The following FRMPD1 variants were observed in gnomAD, a reference collection of about 807,000 sequenced individuals.
FRMPD1 encodes the protein FERM and PDZ domain containing 1, also known as FERM and PDZ domain-containing protein 1.
In FRMPD1, 76 loss-of-function variants were observed where a neutral mutation model predicts 117.8. That is an observed-to-expected ratio of 0.65 (90% CI 0.54 to 0.78). The LOEUF (loss-of-function observed/expected upper bound fraction) is 0.78. Ranked by LOEUF, FRMPD1 falls within the 30% of genes least tolerant of loss-of-function variation. The probability of loss-of-function intolerance (pLI) is 0.00; values close to 1 mark genes in which losing one functional copy is unlikely to be tolerated. For missense variants in FRMPD1, 1,786 were observed against 1,964.5 expected (o/e 0.91, Z 1.72); for synonymous variants, 783 against 770.4 (o/e 1.02, Z -0.27).
intron 1 of FRMPD1, among the ~76,000 whole-genome samples, chr9:37,669,312 G>A (rs1367033826): frequency 6.6e-6 from 1 of 152,196 alleles, no homozygotes; most frequent in Non-Finnish European, 1.5e-5. Flanking sequence ...GGTCTGCATT[G>A]AGGATTCTTC....
chr9:37,738,550 A>G (rs1473196063), intron 14 of FRMPD1, among the ~76,000 whole-genome samples: 1 of 152,062 alleles, frequency 6.6e-6, no homozygotes, highest in Non-Finnish European at 1.5e-5. Flanking sequence ...TGTTGGTCAG[A>G]CTGGTCTCGA....
chr9:37,738,608 A>C (rs1291638885), intron 14 of FRMPD1, among the ~76,000 whole-genome samples: 1 of 152,056 alleles, frequency 6.6e-6, no homozygotes, highest in Non-Finnish European at 1.5e-5. Context: ...CAAAGTGCTG[A>C]GATTACAGGC....
intron 1 of FRMPD1, among the ~76,000 whole-genome samples, chr9:37,653,197 G>A (rs568132902): frequency 6.6e-6 from 1 of 152,098 alleles, no homozygotes; most frequent in Admixed American, 6.6e-5. Context: ...TTTTTAATTC[G>A]TAAAACGGGA....
In FRMPD1 at chr9:37,717,384, T is replaced by A. The variant is rs868428604; in HGVS notation, c.409-1685T>A. Reference sequence around the variant, plus strand: ...GTGTGTGTGTGTATATATATATATTTTTTTTTTTTTTTTGAGATGTAGTCT... The same window carrying A: ...GTGTGTGTGTGTATATATATATATTATTTTTTTTTTTTTGAGATGTAGTCT... On this transcript the variant is annotated intron_variant, in intron 5 of 15. Transcript: ENST00000377765. 6.0e-3 allele frequency among the ~76,000 whole-genome samples: 729 copies of A among 120,590 alleles called. 9 individuals are homozygous for A. The highest frequency in any genetic ancestry group is 7.7e-3 in the African/African-American group (220 of 28,506). 79.1% of individuals were successfully genotyped at this position (120,590 alleles called of 152,430 possible). A position where few individuals can be genotyped will look rare whatever the true frequency, so the allele number is the denominator to read the frequency against.
At chr9:37,637,044 A>G in the FRMPD1 span, 1 of 1,543,354 alleles carries the variant, frequency 6.5e-7, no homozygotes, top group Non-Finnish European at 9.0e-7. Flanking sequence ...ACCACGAGGA[A>G]GCCATGAGCC....
At chr9:37,629,294 C>T in the FRMPD1 span, among the ~76,000 whole-genome samples, 3 of 152,194 alleles carry the variant, frequency 2.0e-5, no homozygotes, top group Admixed American at 1.3e-4. Flanking sequence ...GATGCACATT[C>T]GAGTTTGAGA....
At chr9:37,628,621 C>A in the FRMPD1 span, among the ~76,000 whole-genome samples, 1 of 152,174 alleles carries the variant, frequency 6.6e-6, no homozygotes, top group South Asian at 2.1e-4. Flanking sequence ...AGTTTTGTAG[C>A]TGCAAAGTGC....
intron 2 of FRMPD1, among the ~76,000 whole-genome samples, chr9:37,703,617 G>A (rs1216973845): frequency 6.6e-6 from 1 of 152,126 alleles, no homozygotes; most frequent in Non-Finnish European, 1.5e-5. Flanking sequence ...ATCTGCAACT[G>A]TCACAAGTCC....
At chr9:37,636,510 C>T in the FRMPD1 span, among the ~76,000 whole-genome samples, 8 of 152,160 alleles carry the variant, frequency 5.3e-5, no homozygotes, top group African/African-American at 1.9e-4. Flanking sequence ...CTTAGGGACC[C>T]TGACAGAATA....
chr9:37,630,569 C>T, the FRMPD1 span, among the ~76,000 whole-genome samples: 5 of 152,094 alleles, frequency 3.3e-5, no homozygotes, highest in East Asian at 3.9e-4. Flanking sequence ...TTAGTAGAGA[C>T]GGAGTTTCAC....
At chr9:37,640,720 A>C in the FRMPD1 span, among the ~76,000 whole-genome samples, 3 of 152,172 alleles carry the variant, frequency 2.0e-5, no homozygotes, top group Admixed American at 2.0e-4. Flanking sequence ...TTTTGAAAAA[A>C]AATTATGTTT....
Position 37,732,370 on chromosome 9 carries a change from G to C in FRMPD1, c.925G>C (p.Ala309Pro). Residue 309 changes from alanine to proline, a missense_variant, in exon 10 of 16, where the codon GCG (alanine) becomes CCG (proline). Ala to Pro is a conservative substitution (Grantham distance 27). Transcript: ENST00000377765. Reference protein sequence around the residue: ...EMKCSSALRLAALHIQERIYA... With the variant: ...EMKCSSALRLPALHIQERIYA... ...GAAATGTAGCTCTGCACTCCGACTC[G>C]CGGCTCTGCACATCCAGGAACGGAT... 6.2e-7 allele frequency: 1 copy of C among 1,613,860 alleles called. No individual in the cohort carries two copies. Among genetic ancestry groups the C allele is most frequent in the Non-Finnish European group, 8.5e-7 (1 of 1,180,000 alleles).
chr9:37,674,242 A>C (rs1195092940), intron 1 of FRMPD1, among the ~76,000 whole-genome samples: 2 of 152,214 alleles, frequency 1.3e-5, no homozygotes, highest in East Asian at 3.8e-4. Flanking sequence ...AGAGTTCCAC[A>C]AATCTCTAGG....
chr9:37,620,821 C>T, the FRMPD1 span, among the ~76,000 whole-genome samples: 1 of 151,894 alleles, frequency 6.6e-6, no homozygotes, highest in African/African-American at 2.4e-5. Flanking sequence ...GATAAAGCAC[C>T]TTCTTTACTA....
chr9:37,679,443 A>G (rs1689646272), intron 1 of FRMPD1, among the ~76,000 whole-genome samples: 1 of 152,224 alleles, frequency 6.6e-6, no homozygotes, highest in African/African-American at 2.4e-5. Flanking sequence ...ATTCACAGAT[A>G]TGTACTAACA....
the FRMPD1 span, among the ~76,000 whole-genome samples, chr9:37,620,590 A>G: frequency 1.3e-5 from 2 of 151,928 alleles, no homozygotes; most frequent in Non-Finnish European, 2.9e-5. Context: ...GATATTTCAG[A>G]AAGCATGTTT....
the FRMPD1 span, among the ~76,000 whole-genome samples, chr9:37,607,634 C>T: frequency 3.9e-5 from 6 of 152,172 alleles, no homozygotes; most frequent in African/African-American, 1.2e-4. Flanking sequence ...CCATTCAACA[C>T]CTCTTTCCTT....
At chr9:37,643,918 G>A in the FRMPD1 span, among the ~76,000 whole-genome samples, 2 of 152,206 alleles carry the variant, frequency 1.3e-5, no homozygotes, top group Non-Finnish European at 2.9e-5. Context: ...GTGGGGTTGC[G>A]CTGCTGTGTG....
the FRMPD1 span, among the ~76,000 whole-genome samples, chr9:37,627,660 G>T: frequency 6.6e-6 from 1 of 152,082 alleles, no homozygotes. Context: ...TTTTTATAGA[G>T]ACAAGGTCTC....
Sources: gnomAD v4.1 joint callset for allele counts (sites outside exome capture counted in the v4.1 genomes callset) on GRCh38, gnomAD v4.1.1 for gene constraint, MANE v1.5 for transcripts, NCBI Gene and HGNC (gene_info 2026-07-23, HGNC 2026-07-21) for gene names.